PRKAG2: variants seen among roughly 807,000 people sequenced by gnomAD.
PRKAG2 encodes the protein protein kinase AMP-activated non-catalytic subunit gamma 2, also known as 5'-AMP-activated protein kinase subunit gamma-2.
PRKAG2 carries 26 observed loss-of-function variants against 69.6 expected under a neutral mutation model. The ratio of observed to expected loss-of-function variants is 0.37; its 90% confidence interval spans 0.27 to 0.52. The LOEUF (loss-of-function observed/expected upper bound fraction) is 0.52, where lower values mean the gene tolerates loss of function less well. Ranked by LOEUF, PRKAG2 falls within the 20% of genes least tolerant of loss-of-function variation. The probability of loss-of-function intolerance (pLI) is 0.90; values close to 1 mark genes in which losing one functional copy is unlikely to be tolerated. For synonymous variants in PRKAG2, 293 were observed against 285.0 expected (o/e 1.03, Z -0.28); for missense variants, 557 against 740.0 (o/e 0.75, Z 2.87).
intron 3 of PRKAG2, among the ~76,000 whole-genome samples, chr7:151,750,505 C>A (rs1021041086): frequency 2.0e-5 from 3 of 152,304 alleles, no homozygotes; most frequent in Non-Finnish European, 2.9e-5. Context: ...CATGCAGAAG[C>A]CCGCAGGTCA....
chr7:151,700,260 G>A (rs1446319188), intron 3 of PRKAG2, among the ~76,000 whole-genome samples: 2 of 152,160 alleles, frequency 1.3e-5, no homozygotes, highest in Non-Finnish European at 2.9e-5. Flanking sequence ...TGGGGACAGT[G>A]AACACGACAG....
chr7:151,736,106 C>A (rs538780781), intron 3 of PRKAG2: 2 of 1,500,194 alleles, frequency 1.3e-6, no homozygotes, highest in African/African-American at 1.4e-5. Flanking sequence ...AGGCACAGGG[C>A]GCCCCAAAAG....
intron 4 of PRKAG2, among the ~76,000 whole-genome samples, chr7:151,637,625 C>T (rs912971537): frequency 6.6e-6 from 1 of 151,442 alleles, no homozygotes; most frequent in Non-Finnish European, 1.5e-5. Context: ...TTTATTTCTA[C>T]AGGTTTTTTA....
rs1222402561 is a variant in PRKAG2, at chr7:151,595,346, T to G, written c.863A>C (p.Gln288Pro). 6.2e-7 allele frequency: 1 copy of G among 1,606,866 alleles called. No individual in the cohort carries two copies. The highest frequency in any genetic ancestry group is 8.5e-7 in the Non-Finnish European group (1 of 1,173,840). ...SKLVVFDTTL[Q>P]VKKAFFALVA... ...TTCATGAAAATGGAGTACACTTACT[T>G]GTAATGTAGTATCAAAGACAACAAG... Residue 288 changes from glutamine (Q) to proline (P), a missense_variant and splice_region_variant, in exon 6 of 16, where the codon CAA becomes CCA. This residue lies in a region of PRKAG2 where 205 missense variants were observed against 383.4 expected (regional missense o/e 0.53). Transcript: ENST00000287878.
At chr7:151,703,187 C>T (rs139499202) in intron 3 of PRKAG2, among the ~76,000 whole-genome samples, 4 of 152,156 alleles carry the variant, frequency 2.6e-5, no homozygotes, top group African/African-American at 4.8e-5. Context: ...CTCATCAGCG[C>T]GCGCGAAGCA....
intron 4 of PRKAG2, among the ~76,000 whole-genome samples, chr7:151,659,436 C>T (rs1430036111): frequency 2.0e-5 from 3 of 152,138 alleles, no homozygotes; most frequent in Admixed American, 1.3e-4. Flanking sequence ...GTTCTAAAAG[C>T]CCTTTGTATT....
chr7:151,782,380 AGAAG>A (rs878861161), intron 2 of PRKAG2, among the ~76,000 whole-genome samples: 1,201 of 61,382 alleles, frequency 0.02, 14 homozygotes, highest in East Asian at 0.038. Context: ...AGGGAAGGAA[AGAAG>A]GAAGGAAGGA....
intron 3 of PRKAG2, among the ~76,000 whole-genome samples, chr7:151,758,353 A>C (rs1466907521): frequency 1.3e-5 from 2 of 152,244 alleles, no homozygotes; most frequent in Non-Finnish European, 2.9e-5. Context: ...AGTCGCTTCC[A>C]AAAAGAGAAT....
At position 151,814,505 on chromosome 7, in the gene PRKAG2, C is replaced by T. The variant is rs140509849; in HGVS notation, c.115-27964G>A. On this transcript the variant is annotated intron_variant, in intron 1 of 15. Transcript: ENST00000287878. The surrounding 1 kb of genome is among the most constrained non-coding windows in gnomAD (Gnocchi z 4.8). ...CTGCTGGATGGCAGGATGCGAGTGA[C>T]GGGGACGGGCGGCACTCCCAGCTCT... 259 of 1,230,954 alleles carry T rather than the reference C, an allele frequency of 2.1e-4. 2 individuals carry two copies. In the East Asian group the frequency reaches 5.7e-3, roughly 27 times the overall value. 76.3% of individuals were successfully genotyped at this position (1,230,954 alleles called of 1,614,324 possible).
chr7:151,615,184 A>G (rs897437672), intron 5 of PRKAG2, among the ~76,000 whole-genome samples: 6 of 152,288 alleles, frequency 3.9e-5, no homozygotes, highest in African/African-American at 1.4e-4. Flanking sequence ...AGCTCCACCC[A>G]TGTTCCTGGA....
intron 11 of PRKAG2, chr7:151,566,580 A>T (rs540368886): frequency 2.2e-6 from 1 of 450,162 alleles, no homozygotes; most frequent in South Asian, 1.6e-5. Context: ...CACCTTTTAT[A>T]AAGGGTATAG....
Position 151,814,720 on chromosome 7 carries a change from G to A in PRKAG2, c.115-28179C>T. ...GCAACAAGCGGCTGGCAGACAGCAT[G>A]GGCTGGCCTAAGACAGCGCAGGCAA... On this transcript the variant is annotated intron_variant, in intron 1 of 15. Coordinates refer to ENST00000287878, the MANE Select transcript of PRKAG2 (RefSeq NM_016203.4). This position sits in a 1 kb window ranked among gnomAD's most constrained non-coding sequence, Gnocchi z 4.8. 8.1e-7 allele frequency: 1 copy of A among 1,231,794 alleles called. No individual in the cohort carries two copies. The highest frequency in any genetic ancestry group is 4.1e-5 in the South Asian group (1 of 24,324). The allele number at this position is 1,231,794 out of a possible 1,614,324, so 76.3% of individuals were successfully genotyped here. A position where few individuals can be genotyped will look rare whatever the true frequency, so the allele number is the denominator to read the frequency against.
intron 6 of PRKAG2, among the ~76,000 whole-genome samples, chr7:151,590,220 C>T (rs1252253295): frequency 5.3e-5 from 8 of 152,346 alleles, no homozygotes; most frequent in East Asian, 1.9e-4. Context: ...TCTGTGAGTG[C>T]GCTGGGGCCT....
intron 15 of PRKAG2, 71 bp from the exon 16 acceptor site, chr7:151,557,303 T>C: frequency 6.2e-7 from 1 of 1,613,258 alleles, no homozygotes; most frequent in Non-Finnish European, 8.5e-7. Context: ...CAGGGGTTTC[T>C]ACCTGTGTCT....
intron 4 of PRKAG2, among the ~76,000 whole-genome samples, chr7:151,633,644 T>C (rs1825213372): frequency 6.6e-6 from 1 of 151,434 alleles, no homozygotes; most frequent in Non-Finnish European, 1.5e-5. Context: ...TAAAACAATA[T>C]CACTTAATAC....
chr7:151,557,376 G>A (rs764800), intron 15 of PRKAG2, 144 bp from the exon 16 acceptor site: 1,001,509 of 1,588,944 alleles, frequency 0.63, 322,724 homozygotes, highest in East Asian at 0.72. Flanking sequence ...AGGAGCAGGT[G>A]GCCCAAGCTC....
chr7:151,839,169 C>T (rs1396615635), intron 1 of PRKAG2, among the ~76,000 whole-genome samples: 2 of 152,190 alleles, frequency 1.3e-5, no homozygotes, highest in Non-Finnish European at 2.9e-5. Flanking sequence ...AACCAGGGCT[C>T]GCTGCACCAG....
chr7:151,690,446 G>A (rs1223202791), intron 3 of PRKAG2, among the ~76,000 whole-genome samples: 3 of 152,134 alleles, frequency 2.0e-5, no homozygotes, highest in East Asian at 3.9e-4. Context: ...GCTCTTCCCC[G>A]AAAGGTTCCT....
chr7:151,769,574 C>T (rs2075915462), intron 3 of PRKAG2, among the ~76,000 whole-genome samples: 1 of 152,260 alleles, frequency 6.6e-6, no homozygotes, highest in African/African-American at 2.4e-5. Flanking sequence ...CTCCCAGAGC[C>T]TTCAGAGGGA....
Sources: allele counts gnomAD v4.1 joint callset (sites outside exome capture counted in the v4.1 genomes callset), GRCh38; gene constraint gnomAD v4.1.1; regional missense constraint gnomAD v4.1.1; non-coding constraint Gnocchi (gnomAD v3.1); transcripts MANE v1.5; gene names NCBI Gene and HGNC (gene_info 2026-07-23, HGNC 2026-07-21).